Variants in GRK5 observed in about 807,000 individuals in gnomAD.
GRK5 encodes the protein G protein-coupled receptor kinase 5, also known as g protein-coupled receptor kinase GRK5.
In GRK5, 40 loss-of-function variants were observed where a neutral mutation model predicts 78.4. The ratio of observed to expected loss-of-function variants is 0.51; its 90% CI spans 0.40 to 0.66. GRK5 has a LOEUF of 0.66. GRK5 is among the 30% of genes least tolerant of loss of function. The pLI, the probability that GRK5 is intolerant of heterozygous loss-of-function variation, is 0.00. For missense variants in GRK5, 598 were observed against 759.9 expected, an observed-to-expected ratio of 0.79 and a Z score of 2.50; for synonymous variants, 289 against 296.8, an observed-to-expected ratio of 0.97 and a Z score of 0.27.
Position 119,207,905 on chromosome 10 carries a change from CCGCCGACTG to C in GRK5, c.-12_-4del, listed in dbSNP as rs1224457997. 1 of 1,596,572 alleles carries C rather than the reference CCGCCGACTG, an allele frequency of 6.3e-7. No individual in the cohort carries two copies. The highest frequency in any genetic ancestry group is 8.5e-7 in the Non-Finnish European group (1 of 1,173,396). On this transcript the variant is annotated 5_prime_UTR_variant, in exon 1 of 16. Coordinates refer to ENST00000392870, the MANE Select transcript of GRK5 (RefSeq NM_005308.3). ...CCCCGCCGGCCGGCTCCGTTGCTGACCGCCGACTGTCAATGGAGCTGGAAAACATCGTGG... is the reference window on the plus strand; with the variant it reads ...CCCCGCCGGCCGGCTCCGTTGCTGACTCAATGGAGCTGGAAAACATCGTGG...
At chr10:119,263,624 G>C (rs1023980099) in intron 1 of GRK5, among the ~76,000 whole-genome samples, 12 of 151,970 alleles carry the variant, frequency 7.9e-5, no homozygotes, top group African/African-American at 2.4e-4. Flanking sequence ...TCTCCTCCAA[G>C]TATTAAAACC....
Position 119,445,172 on chromosome 10 carries a change from C to T in GRK5, c.1266+1420C>T, listed in dbSNP as rs1037403364. Among the ~76,000 whole-genome samples the T allele has an allele frequency of 6.6e-6, 1 of 152,114 alleles. No individual in the cohort carries two copies. Among genetic ancestry groups the T allele is most frequent in the Non-Finnish European group, 1.5e-5 (1 of 68,028 alleles). ...CGCAGCCAGGGCTAGGGTGGGGGGA[C>T]CGGAGGAGCAGTGCAGCACTGGTCG... On this transcript the variant is annotated intron_variant, in intron 12 of 15. Coordinates refer to ENST00000392870, the MANE Select transcript of GRK5 (RefSeq NM_005308.3). This position sits in a 1 kb window ranked among gnomAD's most constrained non-coding sequence, Gnocchi z 4.1.
At chr10:119,258,645 T>C (rs60245019) in intron 1 of GRK5, among the ~76,000 whole-genome samples, 1 of 152,238 alleles carries the variant, frequency 6.6e-6, no homozygotes, top group African/African-American at 2.4e-5. Context: ...ACAAAGACTC[T>C]GCCTCCCTTG....
intron 5 of GRK5, 73 bp from the exon 6 acceptor site, chr10:119,424,920 T>A: frequency 9.3e-7 from 1 of 1,077,014 alleles, no homozygotes; most frequent in Non-Finnish European, 1.4e-6. Flanking sequence ...TTTCCAAAGC[T>A]GGACACAGCT....
At chr10:119,356,164 A>G (rs1851260197) in intron 2 of GRK5, among the ~76,000 whole-genome samples, 1 of 152,224 alleles carries the variant, frequency 6.6e-6, no homozygotes, top group African/African-American at 2.4e-5. Context: ...AGGGACTAGC[A>G]AGAGTAAATG....
rs1340354569 is a variant in GRK5 at position 119,452,642 on chromosome 10, A to G, written c.1405-29A>G. The G allele has an allele frequency of 6.2e-7, 1 of 1,613,336 alleles. No individual in the cohort carries two copies. The highest frequency in any genetic ancestry group is 1.1e-5 in the South Asian group (1 of 91,068). ...GCCACTGGAGCCGCAGGCGGGACAT[A>G]TGTGTGACCGGCCCTCTGCCCCTGG... On this transcript the variant is annotated intron_variant, in intron 13 of 15. Transcript: ENST00000392870. The surrounding 1 kb of genome is among the most constrained non-coding windows in gnomAD (Gnocchi z 4.4).
In GRK5 at chr10:119,445,333, C is replaced by T. The variant is rs1853122061; in HGVS notation, c.1266+1581C>T. On this transcript the variant is annotated intron_variant, in intron 12 of 15. Transcript: ENST00000392870. This position sits in a 1 kb window ranked among gnomAD's most constrained non-coding sequence, Gnocchi z 4.1. ...CAGAGCATCACCAAATGTCCCAGGT[C>T]AGGGCCAGGCAATCAGAGAAGCAGG... Among the ~76,000 whole-genome samples, 1 of 152,100 alleles carries T rather than the reference C, an allele frequency of 6.6e-6. No individual in the cohort carries two copies. The highest frequency in any genetic ancestry group is 1.5e-5 in the Non-Finnish European group (1 of 68,026).
chr10:119,344,180 A>T lies in GRK5; in HGVS notation c.148+17569A>T, dbSNP rs189699368. Reference sequence around the variant, plus strand: ...TATTTTTTTTCAGTATTTTTATTTTATATTTATTTTTGATTATACTTTAAG... The same window carrying T: ...TATTTTTTTTCAGTATTTTTATTTTTTATTTATTTTTGATTATACTTTAAG... On this transcript the variant is annotated intron_variant, in intron 2 of 15. Transcript: ENST00000392870. Among the ~76,000 whole-genome samples the T allele has an allele frequency of 3.0e-3, 410 of 138,762 alleles. 4 individuals are homozygous for T. The highest frequency in any genetic ancestry group is 0.011 in the Middle Eastern group (3 of 264). The allele number at this position is 138,762 out of a possible 152,430, so 91.0% of individuals were successfully genotyped here.
In GRK5 at chr10:119,425,054, G is replaced by T. The variant is rs1435666968; in HGVS notation, c.502G>T (p.Asp168Tyr). The T allele has an allele frequency of 1.9e-6, 3 of 1,613,868 alleles. No individual in the cohort carries two copies. Among genetic ancestry groups the T allele is most frequent in the Admixed American group, 3.3e-5 (2 of 60,026 alleles). Residue 168 changes from aspartate to tyrosine, a missense_variant, in exon 6 of 16, where the codon GAC (aspartate) becomes TAC (tyrosine). Asp to Tyr is a radical substitution (Grantham distance 160, BLOSUM62 -3). Coordinates refer to ENST00000392870, the MANE Select transcript of GRK5 (RefSeq NM_005308.3). ...CGAATATCTGGACAGCATGTTTTTT[G>T]ACCGCTTTCTCCAGTGGAAGTGGTT... ...FHEYLDSMFF[D>Y]RFLQWKWLER...
At chr10:119,259,360 G>A (rs555784082) in intron 1 of GRK5, among the ~76,000 whole-genome samples, 2 of 152,214 alleles carry the variant, frequency 1.3e-5, no homozygotes, top group African/African-American at 2.4e-5. Flanking sequence ...CACTGCGCCC[G>A]GCCTAACACT....
intron 9 of GRK5, among the ~76,000 whole-genome samples, chr10:119,438,495 C>T (rs1852967293): frequency 6.8e-6 from 1 of 147,568 alleles, no homozygotes; most frequent in African/African-American, 2.5e-5. Context: ...CCATACCATC[C>T]CCCCATTTAT....
At chr10:119,209,487 G>GTTTTTTTTTT (rs60169912) in intron 1 of GRK5, among the ~76,000 whole-genome samples, 4 of 98,910 alleles carry the variant, frequency 4.0e-5, no homozygotes, top group African/African-American at 1.5e-4. Flanking sequence ...TGTGTGTGTG[G>GTTTTTTTTTT]TTTTTTTTTT....
chr10:119,372,493 G>C (rs556155981), intron 2 of GRK5, among the ~76,000 whole-genome samples: 1 of 152,136 alleles, frequency 6.6e-6, no homozygotes, highest in Non-Finnish European at 1.5e-5. Context: ...ATATCTGAAG[G>C]CTTATTACTC....
chr10:119,255,516 C>T (rs1849267723), intron 1 of GRK5, among the ~76,000 whole-genome samples: 1 of 152,176 alleles, frequency 6.6e-6, no homozygotes, highest in Admixed American at 6.5e-5. Flanking sequence ...CTGGCGTGGA[C>T]TCTTCCCCAG....
At chr10:119,403,927 G>A (rs1852193427) in intron 4 of GRK5, among the ~76,000 whole-genome samples, 1 of 152,162 alleles carries the variant, frequency 6.6e-6, no homozygotes, top group African/African-American at 2.4e-5. Context: ...GAGCCACCGT[G>A]TCCAACCTGC....
At chr10:119,330,765 A>T (rs1222806628) in intron 2 of GRK5, among the ~76,000 whole-genome samples, 1 of 152,124 alleles carries the variant, frequency 6.6e-6, no homozygotes, top group Non-Finnish European at 1.5e-5. Flanking sequence ...TCATGCCTGT[A>T]ATCCCAGCAC....
intron 4 of GRK5, among the ~76,000 whole-genome samples, chr10:119,409,554 G>A (rs1243218038): frequency 2.0e-5 from 3 of 152,124 alleles, no homozygotes; most frequent in Non-Finnish European, 4.4e-5. Context: ...GGCTTCCTGA[G>A]GGCACCCCCA....
chr10:119,289,977 C>T (rs1849920830), intron 1 of GRK5, among the ~76,000 whole-genome samples: 1 of 152,120 alleles, frequency 6.6e-6, no homozygotes, highest in Admixed American at 6.5e-5. Context: ...AAGCTGGTGG[C>T]TACTTGCAAG....
intron 1 of GRK5, among the ~76,000 whole-genome samples, chr10:119,281,348 C>T (rs572457800): frequency 1.3e-5 from 2 of 152,048 alleles, no homozygotes; most frequent in African/African-American, 2.4e-5. Flanking sequence ...TGGCCAGGGA[C>T]CCCCCTAACC....
Sources: allele counts gnomAD v4.1 joint callset (sites outside exome capture counted in the v4.1 genomes callset), GRCh38; gene constraint gnomAD v4.1.1; non-coding constraint Gnocchi (gnomAD v3.1); transcripts MANE v1.5; gene names NCBI Gene and HGNC (gene_info 2026-07-23, HGNC 2026-07-21).